The following IPCEF1 variants were observed in gnomAD, a reference collection of about 807,000 sequenced individuals.
IPCEF1 encodes interactor protein for cytohesin exchange factors 1.
A neutral mutation model predicts 50.9 loss-of-function variants in IPCEF1; 31 were observed. The ratio of observed to expected loss-of-function variants is 0.61; its 90% CI spans 0.46 to 0.82. The LOEUF (loss-of-function observed/expected upper bound fraction) is 0.82. IPCEF1 is among the 40% of genes least tolerant of loss of function. The probability of loss-of-function intolerance (pLI) is 0.00; values close to 1 mark genes in which losing one functional copy is unlikely to be tolerated. For synonymous variants in IPCEF1, 181 were observed against 192.0 expected, an observed-to-expected ratio of 0.94 and a Z score of 0.47; for missense variants, 458 against 514.0, an observed-to-expected ratio of 0.89 and a Z score of 1.05.
chr6:154,247,076 T>G, intron 4 of IPCEF1: 1 of 390,652 alleles, frequency 2.6e-6, no homozygotes, highest in East Asian at 4.1e-5. Context: ...TCACCAAGAA[T>G]AAGTTGAAAA....
At chr6:154,195,957 A>T (rs1426919718) in intron 10 of IPCEF1, among the ~76,000 whole-genome samples, 1 of 151,702 alleles carries the variant, frequency 6.6e-6, no homozygotes, top group Non-Finnish European at 1.5e-5. Context: ...ATACCTGGCT[A>T]ATTTTTGTAT....
At position 154,210,930 on chromosome 6, in the gene IPCEF1, G is replaced by T. The variant is rs574174261; in HGVS notation, c.537+1840C>A. On this transcript the variant is annotated intron_variant, in intron 9 of 11. Coordinates refer to ENST00000367220, the MANE Select transcript of IPCEF1 (RefSeq NM_001130700.2). ...TCTCCACTGACAGTGTGAAAAAACA[G>T]TAGAGGTCATTATTTAAATAATCAA... 1.3e-4 allele frequency among the ~76,000 whole-genome samples: 20 copies of T among 152,286 alleles called. No homozygotes were observed. In the South Asian group the frequency reaches 4.1e-3, roughly 32 times the overall value.
chr6:154,293,269 T>C (rs1057100320), intron 1 of IPCEF1, among the ~76,000 whole-genome samples: 52 of 152,202 alleles, frequency 3.4e-4, no homozygotes, highest in African/African-American at 1.3e-3. Flanking sequence ...TTTAGAGTGA[T>C]ACTGAAATCT....
chr6:154,326,707 A>G (rs1253590022), intron 1 of IPCEF1, among the ~76,000 whole-genome samples: 1 of 152,230 alleles, frequency 6.6e-6, no homozygotes, highest in Non-Finnish European at 1.5e-5. Flanking sequence ...AGAATTAGAA[A>G]AAACTATTTT....
intron 7 of IPCEF1, chr6:154,217,043 G>A (rs1418879886): frequency 6.2e-6 from 1 of 160,168 alleles, no homozygotes; most frequent in Non-Finnish European, 1.4e-5. Flanking sequence ...GCTATCAAAG[G>A]TATGCATATA....
chr6:154,171,814 G>A (rs1269391010), intron 10 of IPCEF1, among the ~76,000 whole-genome samples: 1 of 152,140 alleles, frequency 6.6e-6, no homozygotes, highest in Non-Finnish European at 1.5e-5. Flanking sequence ...AAGACTTAGA[G>A]TTTTCAGTTT....
In IPCEF1 at chr6:154,340,256, T is replaced by C. The variant is rs528179236; in HGVS notation, c.-62+16416A>G. On this transcript the variant is annotated intron_variant, in intron 1 of 11. Transcript: ENST00000367220. Reference sequence around the variant, plus strand: ...ATTTTATTTTTTAATTTATTATTATTATTATTATTTTTGAGACGGAGTCTT... The same window carrying C: ...ATTTTATTTTTTAATTTATTATTATCATTATTATTTTTGAGACGGAGTCTT... Among the ~76,000 whole-genome samples, 5 of 151,950 alleles carry C rather than the reference T, an allele frequency of 3.3e-5. No individual in the cohort carries two copies. The South Asian group carries it at 8.3e-4, about 25-fold the overall frequency.
At chr6:154,164,146 A>C (rs1051917976) in intron 11 of IPCEF1, among the ~76,000 whole-genome samples, 3 of 152,218 alleles carry the variant, frequency 2.0e-5, no homozygotes, top group East Asian at 1.9e-4. Context: ...CTTCAAAGGA[A>C]GATCCTAATT....
At chr6:154,313,580 C>T (rs1360565215) in intron 1 of IPCEF1, among the ~76,000 whole-genome samples, 2 of 152,058 alleles carry the variant, frequency 1.3e-5, no homozygotes, top group African/African-American at 4.8e-5. Context: ...TTGGTTAAGC[C>T]TAATCTCTTC....
intron 1 of IPCEF1, among the ~76,000 whole-genome samples, chr6:154,300,193 C>A (rs201103200): frequency 7.1e-6 from 1 of 141,738 alleles, no homozygotes; most frequent in East Asian, 2.0e-4. Context: ...AAAGCAGATG[C>A]AATTTTAGGT....
intron 2 of IPCEF1, among the ~76,000 whole-genome samples, chr6:154,277,239 G>T (rs1271954126): frequency 1.3e-5 from 2 of 152,092 alleles, no homozygotes; most frequent in African/African-American, 4.8e-5. Context: ...GAAAAATCTG[G>T]GTTAGTGTCT....
At chr6:154,259,334 A>T (rs189752137) in intron 3 of IPCEF1, among the ~76,000 whole-genome samples, 1 of 152,286 alleles carries the variant, frequency 6.6e-6, no homozygotes, top group East Asian at 1.9e-4. Context: ...AACCCTCCAA[A>T]TACTGAGAAT....
intron 1 of IPCEF1, among the ~76,000 whole-genome samples, chr6:154,292,942 A>T (rs905893113): frequency 6.6e-6 from 1 of 152,184 alleles, no homozygotes; most frequent in Non-Finnish European, 1.5e-5. Context: ...CCAGAACAAG[A>T]TCTTATGTCA....
intron 10 of IPCEF1, among the ~76,000 whole-genome samples, chr6:154,170,164 G>A (rs892409441): frequency 3.9e-4 from 59 of 152,242 alleles, no homozygotes; most frequent in African/African-American, 1.3e-3. Context: ...CACTAAGAAC[G>A]TTAGTCTATT....
chr6:154,343,179 G>A (rs958118998), intron 1 of IPCEF1, among the ~76,000 whole-genome samples: 4 of 152,076 alleles, frequency 2.6e-5, no homozygotes, highest in African/African-American at 7.2e-5. Flanking sequence ...TCCCAGAAAC[G>A]CCCTAAAGCT....
chr6:154,192,002 T>C (rs1202253178), intron 10 of IPCEF1, among the ~76,000 whole-genome samples: 1 of 152,190 alleles, frequency 6.6e-6, no homozygotes, highest in Non-Finnish European at 1.5e-5. Flanking sequence ...GTAGATACAT[T>C]TATTGTTGTA....
intron 5 of IPCEF1, among the ~76,000 whole-genome samples, chr6:154,243,881 G>T (rs1433076670): frequency 6.6e-6 from 1 of 152,132 alleles, no homozygotes; most frequent in Non-Finnish European, 1.5e-5. Flanking sequence ...ACCTCTCAGG[G>T]TGATTTTGAG....
At chr6:154,165,390 C>T (rs1385848391) in intron 11 of IPCEF1, among the ~76,000 whole-genome samples, 1 of 152,186 alleles carries the variant, frequency 6.6e-6, no homozygotes, top group African/African-American at 2.4e-5. Flanking sequence ...CCAACATGAA[C>T]ATGCACACAT....
At chr6:154,316,472 C>G (rs1201808411) in intron 1 of IPCEF1, among the ~76,000 whole-genome samples, 2 of 152,110 alleles carry the variant, frequency 1.3e-5, no homozygotes, top group African/African-American at 4.8e-5. Context: ...TTTGCAACAA[C>G]ATGAATAAAC....
Sources: allele counts gnomAD v4.1 joint callset (sites outside exome capture counted in the v4.1 genomes callset), GRCh38; gene constraint gnomAD v4.1.1; transcripts MANE v1.5; gene names NCBI Gene and HGNC (gene_info 2026-07-23, HGNC 2026-07-21).